IGSF11: variants seen among roughly 807,000 people sequenced by gnomAD.
IGSF11 encodes the protein immunoglobulin superfamily member 11.
In IGSF11, 22 loss-of-function variants were observed where a neutral mutation model predicts 41.0. The ratio of observed to expected loss-of-function variants is 0.54; its 90% confidence interval spans 0.38 to 0.77. IGSF11 has a LOEUF of 0.77. Ranked by LOEUF, IGSF11 falls within the 30% of genes least tolerant of loss-of-function variation. IGSF11 has a pLI of 0.00. For missense variants in IGSF11, 444 were observed against 530.8 expected (o/e 0.84, Z 1.61); for synonymous variants, 219 against 201.3 (o/e 1.09, Z -0.74).
At chr3:119,050,216 T>C (rs961482625) in intron 1 of IGSF11, among the ~76,000 whole-genome samples, 29 of 151,750 alleles carry the variant, frequency 1.9e-4, no homozygotes, top group Admixed American at 3.9e-4. Flanking sequence ...ACAGGCAACC[T>C]ACAAAATGGG....
chr3:118,933,192 A>G (rs372451741), intron 1 of IGSF11, among the ~76,000 whole-genome samples: 3 of 152,236 alleles, frequency 2.0e-5, no homozygotes, highest in Non-Finnish European at 4.4e-5. Flanking sequence ...CAGAACTTGC[A>G]AAGGTGTAGG....
intron 1 of IGSF11, among the ~76,000 whole-genome samples, chr3:118,973,770 T>C (rs1212705924): frequency 6.6e-6 from 1 of 152,184 alleles, no homozygotes; most frequent in African/African-American, 2.4e-5. Context: ...AGCAATCATA[T>C]GTGCAAAGAA....
At chr3:118,953,520 A>G (rs1011821540) in intron 1 of IGSF11, among the ~76,000 whole-genome samples, 1 of 152,126 alleles carries the variant, frequency 6.6e-6, no homozygotes, top group African/African-American at 2.4e-5. Context: ...TTCCCACCAG[A>G]GGTGTAAAAT....
chr3:118,920,340 T>TTAAATAAATAAA (rs200987239), intron 4 of IGSF11, among the ~76,000 whole-genome samples: 118 of 149,406 alleles, frequency 7.9e-4, no homozygotes, highest in African/African-American at 2.9e-3. Flanking sequence ...AATAAATAAA[T>TTAAATAAATAAA]TAAATAAATA....
At chr3:119,142,616 G>A (rs1189537359) in intron 1 of IGSF11, among the ~76,000 whole-genome samples, 1 of 152,044 alleles carries the variant, frequency 6.6e-6, no homozygotes, top group Non-Finnish European at 1.5e-5. Flanking sequence ...ACACCCTTAA[G>A]TGTACCACTT....
intron 1 of IGSF11, among the ~76,000 whole-genome samples, chr3:119,110,491 C>T (rs1021943169): frequency 6.5e-4 from 99 of 152,272 alleles, no homozygotes; most frequent in African/African-American, 2.2e-3. Flanking sequence ...TGTCTCTGCA[C>T]GTGAGATGGC....
At chr3:119,055,650 TA>T (rs1424892982) in intron 1 of IGSF11, among the ~76,000 whole-genome samples, 3 of 152,162 alleles carry the variant, frequency 2.0e-5, no homozygotes, top group Admixed American at 1.3e-4. Flanking sequence ...CTCTCCACCC[TA>T]AATCAACAGA....
intron 1 of IGSF11, among the ~76,000 whole-genome samples, chr3:119,141,796 C>A (rs985799924): frequency 2.6e-5 from 4 of 151,766 alleles, no homozygotes; most frequent in African/African-American, 9.7e-5. Context: ...ATGGAAATAA[C>A]CTAAGTATCC....
intron 1 of IGSF11, among the ~76,000 whole-genome samples, chr3:119,111,227 C>G (rs1253983159): frequency 6.6e-6 from 1 of 152,196 alleles, no homozygotes; most frequent in Non-Finnish European, 1.5e-5. Flanking sequence ...TTCAGGTACA[C>G]CAATCAGACG....
intron 1 of IGSF11, among the ~76,000 whole-genome samples, chr3:118,954,987 G>C (rs1944844140): frequency 6.6e-6 from 1 of 152,126 alleles, no homozygotes; most frequent in Admixed American, 6.5e-5. Context: ...ATGGAAAACA[G>C]TGTGGAGATT....
At chr3:118,969,986 G>T (rs1933194551) in intron 1 of IGSF11, among the ~76,000 whole-genome samples, 1 of 152,080 alleles carries the variant, frequency 6.6e-6, no homozygotes, top group Non-Finnish European at 1.5e-5. Context: ...GCGCATACAG[G>T]TATCTCCTCA....
At chr3:118,994,409 C>CA (rs1936075160) in intron 1 of IGSF11, among the ~76,000 whole-genome samples, 1 of 152,192 alleles carries the variant, frequency 6.6e-6, no homozygotes, top group African/African-American at 2.4e-5. Context: ...GTAACCCTAG[C>CA]ACTTTGGGTG....
intron 4 of IGSF11, among the ~76,000 whole-genome samples, chr3:118,906,010 G>T (rs202158196): frequency 3.9e-5 from 6 of 152,136 alleles, no homozygotes; most frequent in Non-Finnish European, 8.8e-5. Flanking sequence ...TGAGGAAATG[G>T]TAGCTAATAC....
At chr3:119,007,292 A>G (rs1327594884) in intron 1 of IGSF11, among the ~76,000 whole-genome samples, 1 of 139,648 alleles carries the variant, frequency 7.2e-6, no homozygotes, top group East Asian at 2.0e-4. Flanking sequence ...TGCGCTTCCC[A>G]GGTGAGGCAA....
At chr3:119,033,704 AT>A (rs1337370204) in intron 1 of IGSF11, among the ~76,000 whole-genome samples, 3 of 152,346 alleles carry the variant, frequency 2.0e-5, no homozygotes, top group South Asian at 2.1e-4. Context: ...CAGAAAAAAA[AT>A]CTCAGTAAAT....
intron 4 of IGSF11, among the ~76,000 whole-genome samples, chr3:118,923,328 C>G (rs2110369): frequency 0.28 from 42,170 of 152,074 alleles, 8,054 homozygotes; most frequent in African/African-American, 0.53. Context: ...TTAGTGCGCT[C>G]AGTCTCTTTT....
chr3:118,930,361 A>G (rs1446228665), intron 1 of IGSF11, 86 bp from the exon 2 acceptor site: 13 of 1,316,318 alleles, frequency 9.9e-6, no homozygotes, highest in Non-Finnish European at 1.3e-5. Context: ...GTTTTATGTT[A>G]TCACATTATT....
intron 1 of IGSF11, among the ~76,000 whole-genome samples, chr3:119,016,282 G>A (rs1272887442): frequency 6.6e-6 from 1 of 152,206 alleles, no homozygotes; most frequent in Non-Finnish European, 1.5e-5. Context: ...GGTGGCATAT[G>A]GCATGTGTTC....
chr3:118,936,515 A>T (rs1312820989), intron 1 of IGSF11, among the ~76,000 whole-genome samples: 3 of 152,154 alleles, frequency 2.0e-5, no homozygotes, highest in African/African-American at 7.2e-5. Context: ...TCAAAAAAAA[A>T]AAAAAAAATT....
Sources: allele counts gnomAD v4.1 joint callset (sites outside exome capture counted in the v4.1 genomes callset), GRCh38; gene constraint gnomAD v4.1.1; transcripts MANE v1.5; gene names NCBI Gene and HGNC (gene_info 2026-07-23, HGNC 2026-07-21).